The following FBRSL1 variants were observed in gnomAD, a reference collection of about 807,000 sequenced individuals.
FBRSL1 encodes the protein fibrosin like 1.
FBRSL1 carries 51 observed loss-of-function variants against 89.6 expected under a neutral mutation model. The ratio of observed to expected loss-of-function variants is 0.57; its 90% CI spans 0.45 to 0.72. The LOEUF (loss-of-function observed/expected upper bound fraction) is 0.72, where lower values mean the gene tolerates loss of function less well. Ranked by LOEUF, FBRSL1 falls within the 30% of genes least tolerant of loss-of-function variation. The pLI is 0.00. For missense variants in FBRSL1, 1,618 were observed against 1,451.8 expected (o/e 1.11, Z -1.86); for synonymous variants, 779 against 681.1 (o/e 1.14, Z -2.24).
At chr12:132,507,409 G>C in intron 1 of FBRSL1, 1 of 985,616 alleles carries the variant, frequency 1.0e-6, no homozygotes, top group Non-Finnish European at 1.2e-6. Flanking sequence ...GTGGTTTATC[G>C]AGTGTGGAGG....
At chr12:132,509,788 G>A in intron 2 of FBRSL1, 4 of 1,231,410 alleles carry the variant, frequency 3.2e-6, no homozygotes, top group Non-Finnish European at 4.0e-6. Flanking sequence ...GGACAGCGCA[G>A]CCGGCCCCTG....
At chr12:132,509,944 C>T in intron 2 of FBRSL1, 1 of 1,231,496 alleles carries the variant, frequency 8.1e-7, no homozygotes, top group South Asian at 4.1e-5. Context: ...TACGGCCAGC[C>T]CCGAAGGTCC....
Position 132,583,547 on chromosome 12 carries a change from A to G in FBRSL1, c.2778A>G (p.Gly926=). 1 of 1,040,884 alleles carries G rather than the reference A, an allele frequency of 9.6e-7. No individual in the cohort carries two copies. The highest frequency in any genetic ancestry group is 5.9e-5 in the Admixed American group (1 of 17,024). The allele number at this position is 1,040,884 out of a possible 1,614,324, so 64.5% of individuals were successfully genotyped here. A position where few individuals can be genotyped will look rare whatever the true frequency, so the allele number is the denominator to read the frequency against. The part of the protein sequence containing the change: ...ALDGALLPSL[G]ALHFPRLSPA... ...ACGGCGCGCTGCTGCCCTCGCTGGG[A>G]GCCCTGCACTTCCCGCGCCTCTCGC... The change falls in exon 19 of 19, where the codon GGA becomes GGG. Residue 926 remains glycine, a synonymous_variant. Coordinates refer to ENST00000680143, the MANE Select transcript of FBRSL1 (RefSeq NM_001367871.1).
rs189980492 is a variant in FBRSL1, at chr12:132,584,316, T to C, written c.*538T>C. ...ACAAAACTTTGTTTTTTTGCCTTAT[T>C]ATGCAGAAGTGTAATTTCTTTTTTG... On this transcript the variant is annotated 3_prime_UTR_variant, in exon 19 of 19. Coordinates refer to ENST00000680143, the MANE Select transcript of FBRSL1 (RefSeq NM_001367871.1). 2.0e-5 allele frequency: 3 copies of C among 152,358 alleles called. No homozygotes were observed. Among genetic ancestry groups the C allele is most frequent in the Admixed American group, 2.0e-4 (3 of 15,304 alleles). 9.4% of individuals were successfully genotyped at this position (152,358 alleles called of 1,614,324 possible). A position where few individuals can be genotyped will look rare whatever the true frequency, so the allele number is the denominator to read the frequency against.
intron 4 of FBRSL1, among the ~76,000 whole-genome samples, chr12:132,535,834 C>T (rs1172366716): frequency 2.7e-5 from 4 of 146,880 alleles, no homozygotes; most frequent in Admixed American, 6.7e-5. Context: ...TGTGAGTGCA[C>T]GTGTCCATGG....
At chr12:132,522,017 G>C (rs922786545) in intron 2 of FBRSL1, among the ~76,000 whole-genome samples, 5 of 152,140 alleles carry the variant, frequency 3.3e-5, no homozygotes, top group Admixed American at 6.5e-5. Flanking sequence ...GGGTGTGGGT[G>C]TGTGTATGCA....
intron 2 of FBRSL1, among the ~76,000 whole-genome samples, chr12:132,519,947 A>T (rs1406983557): frequency 6.7e-6 from 1 of 149,870 alleles, no homozygotes; most frequent in Non-Finnish European, 1.5e-5. Flanking sequence ...TGAGGGTTGT[A>T]GGTTGAGTAT....
At chr12:132,498,506 TGAG>T (rs909095503) in intron 1 of FBRSL1, among the ~76,000 whole-genome samples, 1 of 152,032 alleles carries the variant, frequency 6.6e-6, no homozygotes, top group Non-Finnish European at 1.5e-5. Context: ...TCCAGGGAAA[TGAG>T]GAGGATGGGC....
chr12:132,523,073 C>G (rs1199811122), intron 2 of FBRSL1, among the ~76,000 whole-genome samples: 2 of 152,116 alleles, frequency 1.3e-5, no homozygotes, highest in African/African-American at 4.8e-5. Context: ...GTAGCTCCTG[C>G]CCACCCTCCA....
chr12:132,545,823 A>G (rs2037641955), intron 4 of FBRSL1, among the ~76,000 whole-genome samples: 1 of 152,204 alleles, frequency 6.6e-6, no homozygotes, highest in African/African-American at 2.4e-5. Context: ...GTCTGGTGGG[A>G]TTGCAGTTTC....
intron 5 of FBRSL1, chr12:132,552,229 C>T (rs1454683004): frequency 6.3e-6 from 1 of 158,522 alleles, no homozygotes; most frequent in Non-Finnish European, 1.4e-5. Context: ...CCCCAGCAGA[C>T]CCTTCTTCCA....
chr12:132,539,014 A>C (rs1593400453), intron 4 of FBRSL1, among the ~76,000 whole-genome samples: 2 of 140,870 alleles, frequency 1.4e-5, no homozygotes, highest in South Asian at 2.3e-4. Flanking sequence ...CCACCCAGTC[A>C]CCCCCGGTCT....
intron 1 of FBRSL1, among the ~76,000 whole-genome samples, chr12:132,498,854 C>T (rs1165204823): frequency 3.3e-5 from 5 of 152,184 alleles, no homozygotes; most frequent in African/African-American, 9.7e-5. Context: ...CTGTGTGATG[C>T]GTGGAAACTG....
intron 5 of FBRSL1, among the ~76,000 whole-genome samples, chr12:132,562,546 C>T (rs567992420): frequency 2.0e-5 from 3 of 152,222 alleles, no homozygotes; most frequent in African/African-American, 4.8e-5. Flanking sequence ...TTTCACCCTG[C>T]AGAAGCCTGG....
chr12:132,520,406 C>T (rs780908104), intron 2 of FBRSL1, among the ~76,000 whole-genome samples: 2 of 152,168 alleles, frequency 1.3e-5, no homozygotes, highest in African/African-American at 2.4e-5. Context: ...AGGTTGACCC[C>T]GGAACTGGGT....
intron 2 of FBRSL1, chr12:132,511,839 A>ACC: frequency 1.7e-6 from 1 of 601,002 alleles, no homozygotes; most frequent in Non-Finnish European, 2.1e-6. Flanking sequence ...CTCGCTCCCC[A>ACC]CCCACCCGGG....
intron 2 of FBRSL1, among the ~76,000 whole-genome samples, chr12:132,519,513 A>G (rs1392273457): frequency 2.0e-5 from 3 of 152,192 alleles, no homozygotes; most frequent in East Asian, 1.9e-4. Context: ...CCCATAGGCT[A>G]TGCAGTCTCA....
At chr12:132,494,803 T>C (rs1356432020) in intron 1 of FBRSL1, among the ~76,000 whole-genome samples, 1 of 152,120 alleles carries the variant, frequency 6.6e-6, no homozygotes, top group Non-Finnish European at 1.5e-5. Context: ...GTCCCAGGAA[T>C]AAAGGCGGAA....
chr12:132,524,268 C>A (rs2035601903), intron 2 of FBRSL1, among the ~76,000 whole-genome samples: 1 of 152,250 alleles, frequency 6.6e-6, no homozygotes, highest in Non-Finnish European at 1.5e-5. Flanking sequence ...GGCTCCCGCC[C>A]AGTAAGGCTC....
Sources: allele counts gnomAD v4.1 joint callset (sites outside exome capture counted in the v4.1 genomes callset), GRCh38; gene constraint gnomAD v4.1.1; transcripts MANE v1.5; gene names NCBI Gene and HGNC (gene_info 2026-07-23, HGNC 2026-07-21).